The following CNTNAP2 variants were observed in gnomAD, a reference collection of about 807,000 sequenced individuals.
The protein encoded by CNTNAP2 is contactin-associated protein-like 2.
A neutral mutation model predicts 155.2 loss-of-function variants in CNTNAP2; 98 were observed. The ratio of observed to expected loss-of-function variants is 0.63; its 90% CI spans 0.54 to 0.75. CNTNAP2 has a LOEUF of 0.75. Ranked by LOEUF, CNTNAP2 falls within the 30% of genes least tolerant of loss-of-function variation. The pLI, the probability that CNTNAP2 is intolerant of heterozygous loss-of-function variation, is 0.00. For synonymous variants in CNTNAP2, 651 were observed against 631.2 expected, an observed-to-expected ratio of 1.03 and a Z score of -0.47; for missense variants, 1,727 against 1,688.1, an observed-to-expected ratio of 1.02 and a Z score of -0.40.
At chr7:146,632,241 C>A (rs1799522678) in intron 1 of CNTNAP2, among the ~76,000 whole-genome samples, 1 of 152,108 alleles carries the variant, frequency 6.6e-6, no homozygotes, top group South Asian at 2.1e-4. Flanking sequence ...TTCCCATGAC[C>A]TATTCCCAAA....
intron 14 of CNTNAP2, among the ~76,000 whole-genome samples, chr7:147,938,510 C>T (rs889940463): frequency 2.0e-5 from 3 of 151,858 alleles, no homozygotes; most frequent in Non-Finnish European, 2.9e-5. Flanking sequence ...CCTCCTGAAA[C>T]AAACAAAAAA....
chr7:146,642,675 G>A (rs554174558), intron 1 of CNTNAP2, among the ~76,000 whole-genome samples: 2 of 152,198 alleles, frequency 1.3e-5, no homozygotes, highest in East Asian at 3.9e-4. Flanking sequence ...TATATACCCA[G>A]TAATGGGATG....
chr7:147,244,365 T>A lies in CNTNAP2; in HGVS notation c.1349-55776T>A, dbSNP rs190881648. ...TGACGTTTCTTTGCAAGGAGTAGAC[T>A]TTACTAAGCACCCTATATGTTAAAA... On this transcript the variant is annotated intron_variant, in intron 8 of 23. Transcript: ENST00000361727. Among the ~76,000 whole-genome samples, 536 of 152,332 alleles carry A rather than the reference T, an allele frequency of 3.5e-3. 3 individuals are homozygous for A. Among genetic ancestry groups the A allele is most frequent in the Non-Finnish European group, 6.3e-3 (432 of 68,034 alleles).
At chr7:148,283,942 G>A (rs1797034795) in intron 21 of CNTNAP2, among the ~76,000 whole-genome samples, 1 of 152,186 alleles carries the variant, frequency 6.6e-6, no homozygotes, top group East Asian at 1.9e-4. Flanking sequence ...CCAGATGCTT[G>A]CAGGAACCTA....
intron 3 of CNTNAP2, among the ~76,000 whole-genome samples, chr7:146,864,479 CTTAATG>C (rs1186128387): frequency 6.6e-5 from 10 of 151,994 alleles, no homozygotes; most frequent in African/African-American, 2.4e-4. Flanking sequence ...GGATGCAGCA[CTTAATG>C]TTAAACAATA....
At chr7:147,771,206 T>C (rs1055931247) in intron 13 of CNTNAP2, among the ~76,000 whole-genome samples, 2 of 152,222 alleles carry the variant, frequency 1.3e-5, no homozygotes, top group South Asian at 2.1e-4. Context: ...CAATTCTTGG[T>C]TGATGACAGA....
chr7:148,314,634 G>A (rs563365742), intron 21 of CNTNAP2, among the ~76,000 whole-genome samples: 17 of 151,390 alleles, frequency 1.1e-4, no homozygotes, highest in Admixed American at 2.6e-4. Flanking sequence ...GGTACTTGCC[G>A]CTGAGGGTGA....
In CNTNAP2 at chr7:147,014,457, A is replaced by G. The variant is rs143104222; in HGVS notation, c.403-29450A>G. On this transcript the variant is annotated intron_variant, in intron 3 of 23. Transcript: ENST00000361727. ...GGAAATGTTTAGTACATCATCCAAC[A>G]ATAAATAAATAGGCTAACTTCCCAG... is the stretch of plus-strand genomic sequence containing the variant. Among the ~76,000 whole-genome samples, 495 of 152,280 alleles carry G rather than the reference A, an allele frequency of 3.3e-3. 1 individual carries two copies. The highest frequency in any genetic ancestry group is 0.011 in the African/African-American group (469 of 41,568).
Position 147,161,361 on chromosome 7 carries a change from G to A in CNTNAP2, c.1348+28852G>A, listed in dbSNP as rs538652474. On this transcript the variant is annotated intron_variant, in intron 8 of 23. Coordinates refer to ENST00000361727, the MANE Select transcript of CNTNAP2 (RefSeq NM_014141.6). Reference sequence around the variant, plus strand: ...TATCCTGGGTACTGTTGTTCAGCTGGCCTATCTTTTGAGCACATATGTGTA... The same window carrying A: ...TATCCTGGGTACTGTTGTTCAGCTGACCTATCTTTTGAGCACATATGTGTA... Among the ~76,000 whole-genome samples, 12 of 152,156 alleles carry A rather than the reference G, an allele frequency of 7.9e-5. No homozygotes were observed. The South Asian group carries it at 2.3e-3, about 29-fold the overall frequency.
chr7:146,913,313 C>G (rs771909491), intron 3 of CNTNAP2, among the ~76,000 whole-genome samples: 1 of 152,080 alleles, frequency 6.6e-6, no homozygotes, highest in Non-Finnish European at 1.5e-5. Flanking sequence ...CTTCTTCATT[C>G]AGAGAAGGCA....
chr7:147,226,914 A>T (rs1034178343), intron 8 of CNTNAP2, among the ~76,000 whole-genome samples: 6 of 152,244 alleles, frequency 3.9e-5, no homozygotes, highest in Non-Finnish European at 1.5e-5. Flanking sequence ...ACAGGAAACA[A>T]AACTCAAAAA....
chr7:147,826,087 G>A (rs1374257184), intron 13 of CNTNAP2, among the ~76,000 whole-genome samples: 1 of 152,080 alleles, frequency 6.6e-6, no homozygotes, highest in Non-Finnish European at 1.5e-5. Context: ...GGCAATAGAA[G>A]GCCATCAGAA....
rs1285948941 is a variant in CNTNAP2 at position 146,793,235 on chromosome 7, A to G, written c.208+18854A>G. Among the ~76,000 whole-genome samples the G allele has an allele frequency of 3.3e-5, 5 of 152,368 alleles. No individual in the cohort carries two copies. The East Asian group carries it at 7.7e-4, about 24-fold the overall frequency. ...TTTATGGTTTAAACACTGGACTCAC[A>G]TAGCCAAATTGCTCCCAAAATATCT... On this transcript the variant is annotated intron_variant, in intron 2 of 23. Transcript: ENST00000361727.
At chr7:147,261,593 A>T (rs1319421399) in intron 8 of CNTNAP2, among the ~76,000 whole-genome samples, 1 of 151,980 alleles carries the variant, frequency 6.6e-6, no homozygotes, top group Non-Finnish European at 1.5e-5. Flanking sequence ...CAACTCACCT[A>T]TTGCAAGTTT....
intron 3 of CNTNAP2, among the ~76,000 whole-genome samples, chr7:146,858,823 TTTAA>T (rs2129204712): frequency 6.6e-6 from 1 of 152,360 alleles, no homozygotes; most frequent in African/African-American, 2.4e-5. Context: ...AAGCTTATTA[TTTAA>T]TATTCTTCTC....
chr7:146,828,111 G>A (rs963008940), intron 2 of CNTNAP2, among the ~76,000 whole-genome samples: 1 of 152,000 alleles, frequency 6.6e-6, no homozygotes, highest in African/African-American at 2.4e-5. Context: ...AAGAAACCCT[G>A]AGTAGCTGGC....
intron 10 of CNTNAP2, among the ~76,000 whole-genome samples, chr7:147,434,476 G>T (rs1230179932): frequency 2.0e-5 from 3 of 152,080 alleles, no homozygotes; most frequent in Non-Finnish European, 2.9e-5. Context: ...TTTGTATATA[G>T]AGAGATAGAA....
At chr7:146,576,735 A>C (rs1185412682) in intron 1 of CNTNAP2, among the ~76,000 whole-genome samples, 1 of 152,114 alleles carries the variant, frequency 6.6e-6, no homozygotes, top group Non-Finnish European at 1.5e-5. Context: ...TCTCTTTACC[A>C]TTTCCTCATA....
chr7:147,612,697 A>G (rs896023317), intron 12 of CNTNAP2, among the ~76,000 whole-genome samples: 1 of 151,982 alleles, frequency 6.6e-6, no homozygotes, highest in Non-Finnish European at 1.5e-5. Context: ...CACCACACCC[A>G]GTCAAGCTTA....
Sources: gnomAD v4.1 joint callset for allele counts (sites outside exome capture counted in the v4.1 genomes callset) on GRCh38, gnomAD v4.1.1 for gene constraint, MANE v1.5 for transcripts, NCBI Gene and HGNC (gene_info 2026-07-23, HGNC 2026-07-21) for gene names.